The following EVA1A variants were observed in gnomAD, a reference collection of about 807,000 sequenced individuals.
EVA1A encodes the protein protein eva-1 homolog A.
In EVA1A, 7 loss-of-function variants were observed where a neutral mutation model predicts 9.8. That is an observed-to-expected ratio of 0.71 (90% CI 0.41 to 1.34). The LOEUF is 1.34. Ranked by LOEUF, EVA1A falls within the 40% of genes most tolerant of loss-of-function variation. The probability of loss-of-function intolerance (pLI) is 0.01; values close to 1 mark genes in which losing one functional copy is unlikely to be tolerated. For synonymous variants in EVA1A, 90 were observed against 85.6 expected, an observed-to-expected ratio of 1.05 and a Z score of -0.28; for missense variants, 206 against 205.9, an observed-to-expected ratio of 1.00 and a Z score of 0.00.
chr2:75,524,359 C>CA, intron 1 of EVA1A, among the ~76,000 whole-genome samples: 1 of 151,894 alleles, frequency 6.6e-6, no homozygotes, highest in Non-Finnish European at 1.5e-5. Context: ...CTCAGTTTAT[C>CA]ACTGTCATCC....
At chr2:75,548,443 C>T (rs778137251) in intron 1 of EVA1A, among the ~76,000 whole-genome samples, 2 of 152,142 alleles carry the variant, frequency 1.3e-5, no homozygotes. Flanking sequence ...CCTCCTTGCT[C>T]ATTTCTTGCC....
intron 3 of EVA1A, among the ~76,000 whole-genome samples, chr2:75,517,074 T>A (rs993658357): frequency 6.6e-6 from 1 of 152,048 alleles, no homozygotes; most frequent in Non-Finnish European, 1.5e-5. Flanking sequence ...AGCAGTCCTT[T>A]TTTTTTCTGA....
In EVA1A at chr2:75,493,149, G is replaced by T; in HGVS notation, c.*87C>A. On this transcript the variant is annotated 3_prime_UTR_variant, in exon 4 of 4. Coordinates refer to ENST00000393913, the MANE Select transcript of EVA1A (RefSeq NM_001135032.2). ...TCTCTGAAATCACAATATTAGCAGA[G>T]CTGGGTTCAGTTCCTTGTGCCCACT... 1.3e-6 allele frequency: 2 copies of T among 1,494,874 alleles called. No individual in the cohort carries two copies. The highest frequency in any genetic ancestry group is 1.3e-5 in the South Asian group (1 of 75,008). The allele number at this position is 1,494,874 out of a possible 1,614,324, so 92.6% of individuals were successfully genotyped here.
chr2:75,499,956 T>C (rs1455861910), intron 3 of EVA1A, among the ~76,000 whole-genome samples: 13 of 152,130 alleles, frequency 8.5e-5, no homozygotes, highest in African/African-American at 2.7e-4. Flanking sequence ...ACACAGCCAT[T>C]TTCTTTGTTC....
At chr2:75,511,949 G>A (rs1335798656) in intron 3 of EVA1A, among the ~76,000 whole-genome samples, 1 of 152,130 alleles carries the variant, frequency 6.6e-6, no homozygotes, top group Non-Finnish European at 1.5e-5. Flanking sequence ...AGAAGGATAT[G>A]AAATGCTGAA....
At chr2:75,558,949 C>T (rs899072644) in intron 1 of EVA1A, among the ~76,000 whole-genome samples, 36 of 152,222 alleles carry the variant, frequency 2.4e-4, no homozygotes, top group Non-Finnish European at 4.7e-4. Flanking sequence ...GGCAATATAG[C>T]CGCATGACCT....
chr2:75,562,077 C>T (rs939977867), upstream of EVA1A, among the ~76,000 whole-genome samples: 1 of 152,162 alleles, frequency 6.6e-6, no homozygotes, highest in Non-Finnish European at 1.5e-5. Flanking sequence ...ACCCTCGGGC[C>T]GCACTTGAAC....
At chr2:75,497,497 C>T (rs1235734757) in intron 3 of EVA1A, among the ~76,000 whole-genome samples, 4 of 151,972 alleles carry the variant, frequency 2.6e-5, no homozygotes. Context: ...CATCTCGCGC[C>T]AGTCAGAATG....
At position 75,536,905 on chromosome 2, in the gene EVA1A, C is replaced by T. The variant is rs913658216; in HGVS notation, c.-191-14418G>A. Among the ~76,000 whole-genome samples, 4 of 152,276 alleles carry T rather than the reference C, an allele frequency of 2.6e-5. No homozygotes were observed. The East Asian group carries it at 7.7e-4, about 29-fold the overall frequency. ...TAAAGAAGAATTAGCACCACTTCTA[C>T]ACCATCTCTTCCAGAAAATCAGAGA... On this transcript the variant is annotated intron_variant, in intron 1 of 3. Transcript: ENST00000393913.
chr2:75,518,236 A>T (rs1675085783), intron 2 of EVA1A, 28 bp from the exon 3 acceptor site: 1 of 1,538,330 alleles, frequency 6.5e-7, no homozygotes, highest in East Asian at 2.3e-5. Context: ...GTGAGTGATA[A>T]GAAACATTCT....
chr2:75,499,738 T>TGCATCAG (rs1674341502), intron 3 of EVA1A, among the ~76,000 whole-genome samples: 1 of 152,144 alleles, frequency 6.6e-6, no homozygotes, highest in Admixed American at 6.5e-5. Context: ...CTACTCAGGG[T>TGCATCAG]GACGGCTGGT....
At chr2:75,506,604 A>G (rs1674629020) in intron 3 of EVA1A, among the ~76,000 whole-genome samples, 1 of 152,212 alleles carries the variant, frequency 6.6e-6, no homozygotes, top group Non-Finnish European at 1.5e-5. Flanking sequence ...CAGAGTAGGC[A>G]CAGCCTCAAT....
At chr2:75,515,417 A>T (rs901008247) in intron 3 of EVA1A, among the ~76,000 whole-genome samples, 1 of 152,194 alleles carries the variant, frequency 6.6e-6, no homozygotes, top group East Asian at 1.9e-4. Flanking sequence ...AGTGGCTTCA[A>T]ATGGCAAATT....
chr2:75,544,196 A>G (rs1243415073), intron 1 of EVA1A, among the ~76,000 whole-genome samples: 3 of 152,200 alleles, frequency 2.0e-5, no homozygotes, highest in Non-Finnish European at 2.9e-5. Context: ...GGATCCATGC[A>G]AGTATTCTTA....
chr2:75,511,247 T>C (rs934756079), intron 3 of EVA1A, among the ~76,000 whole-genome samples: 1 of 152,220 alleles, frequency 6.6e-6, no homozygotes, highest in African/African-American at 2.4e-5. Context: ...TCTCAGTTGA[T>C]AATTTACACA....
intron 3 of EVA1A, among the ~76,000 whole-genome samples, chr2:75,495,022 A>C (rs1386280602): frequency 1.3e-5 from 2 of 152,148 alleles, no homozygotes; most frequent in Non-Finnish European, 2.9e-5. Context: ...ACCTACGAGG[A>C]CAAAGGAACA....
intron 1 of EVA1A, among the ~76,000 whole-genome samples, chr2:75,535,655 C>T (rs1304350070): frequency 1.3e-5 from 2 of 152,168 alleles, no homozygotes; most frequent in Non-Finnish European, 2.9e-5. Context: ...GAACTGGAGG[C>T]CATTATCCTA....
At chr2:75,540,739 TC>T (rs1676085254) in intron 1 of EVA1A, 1 of 152,110 alleles carries the variant, frequency 6.6e-6, no homozygotes, top group African/African-American at 2.4e-5. Flanking sequence ...ATTTCTGCAG[TC>T]CCCAAACTAC....
intron 1 of EVA1A, among the ~76,000 whole-genome samples, chr2:75,524,372 G>C (rs796285616): frequency 9.2e-5 from 14 of 151,604 alleles, no homozygotes; most frequent in African/African-American, 3.4e-4. Context: ...TGTCATCCTA[G>C]ATTCATCTTT....
Sources: gnomAD v4.1 joint callset for allele counts (sites outside exome capture counted in the v4.1 genomes callset) on GRCh38, gnomAD v4.1.1 for gene constraint, MANE v1.5 for transcripts, NCBI Gene and HGNC (gene_info 2026-07-23, HGNC 2026-07-21) for gene names.